The following THRB variants were observed in gnomAD, a reference collection of about 807,000 sequenced individuals.
THRB encodes the protein nuclear receptor subfamily 1 group A member 2.
THRB carries 12 observed loss-of-function variants against 47.8 expected under a neutral mutation model. That is an observed-to-expected ratio of 0.25 (90% CI 0.16 to 0.41). The LOEUF (loss-of-function observed/expected upper bound fraction) is 0.41. THRB is among the 10% of genes least tolerant of loss of function. The probability of loss-of-function intolerance (pLI) is 1.00; values close to 1 mark genes in which losing one functional copy is unlikely to be tolerated. For missense variants in THRB, 348 were observed against 589.2 expected (o/e 0.59, Z 4.24); for synonymous variants, 218 against 212.2 (o/e 1.03, Z -0.24).
At chr3:24,310,307 C>T (rs1462150493) in intron 2 of THRB, among the ~76,000 whole-genome samples, 1 of 152,132 alleles carries the variant, frequency 6.6e-6, no homozygotes, top group Non-Finnish European at 1.5e-5. Flanking sequence ...ATAACCTTTG[C>T]TTTTTAAAAA....
intron 2 of THRB, among the ~76,000 whole-genome samples, chr3:24,321,145 C>G (rs928418372): frequency 6.6e-6 from 1 of 152,246 alleles, no homozygotes; most frequent in Middle Eastern, 3.4e-3. Context: ...AAGTGAGTGA[C>G]TTTGCCCAGT....
At chr3:24,255,149 C>T (rs941842180) in intron 3 of THRB, among the ~76,000 whole-genome samples, 1 of 152,114 alleles carries the variant, frequency 6.6e-6, no homozygotes. Context: ...AGTCTGTAAA[C>T]ATTCATCCCA....
At chr3:24,247,731 C>G (rs147619729) in intron 3 of THRB, among the ~76,000 whole-genome samples, 1 of 151,982 alleles carries the variant, frequency 6.6e-6, no homozygotes, top group Non-Finnish European at 1.5e-5. Flanking sequence ...GAAGTCAGGA[C>G]CCAAAAATAT....
intron 1 of THRB, among the ~76,000 whole-genome samples, chr3:24,382,818 T>G (rs2065813724): frequency 6.6e-6 from 1 of 152,114 alleles, no homozygotes; most frequent in South Asian, 2.1e-4. Context: ...ACTGCCTTCA[T>G]TTTTCCCCTT....
At chr3:24,407,346 AT>A (rs5847292) in intron 1 of THRB, among the ~76,000 whole-genome samples, 3 of 150,506 alleles carry the variant, frequency 2.0e-5, no homozygotes, top group Admixed American at 6.6e-5. Context: ...GATTGCAAAC[AT>A]TTTTTTTTCC....
At chr3:24,174,935 G>T (rs2040944060) in intron 5 of THRB, among the ~76,000 whole-genome samples, 1 of 152,188 alleles carries the variant, frequency 6.6e-6, no homozygotes, top group Non-Finnish European at 1.5e-5. Flanking sequence ...GTCCAAAATG[G>T]TATGTCTCTG....
At chr3:24,230,994 A>T (rs144160034) in intron 3 of THRB, among the ~76,000 whole-genome samples, 8 of 152,348 alleles carry the variant, frequency 5.3e-5, no homozygotes, top group African/African-American at 1.9e-4. Context: ...ATTCACAGAC[A>T]GCCTGAAGTG....
chr3:24,394,489 C>T (rs2066805286), intron 1 of THRB, among the ~76,000 whole-genome samples: 1 of 152,084 alleles, frequency 6.6e-6, no homozygotes, highest in South Asian at 2.1e-4. Flanking sequence ...TACAGCAGCA[C>T]AGAACATTGG....
chr3:24,371,804 C>T (rs1000281386), intron 1 of THRB, among the ~76,000 whole-genome samples: 3 of 152,072 alleles, frequency 2.0e-5, no homozygotes, highest in African/African-American at 7.2e-5. Context: ...TTATATTAGT[C>T]TATAGTTCCA....
At chr3:24,327,601 G>A (rs116579301) in intron 2 of THRB, among the ~76,000 whole-genome samples, 4 of 152,166 alleles carry the variant, frequency 2.6e-5, no homozygotes, top group East Asian at 3.8e-4. Flanking sequence ...ACAGACAAAG[G>A]TTCCTGTGTC....
At chr3:24,217,223 C>T (rs1213423352) in intron 4 of THRB, among the ~76,000 whole-genome samples, 3 of 151,938 alleles carry the variant, frequency 2.0e-5, no homozygotes, top group South Asian at 2.1e-4. Flanking sequence ...ATAAAAGCAG[C>T]GTCAGAGGAA....
chr3:24,432,701 C>T (rs1392983845), intron 1 of THRB, among the ~76,000 whole-genome samples: 1 of 152,042 alleles, frequency 6.6e-6, no homozygotes, highest in Non-Finnish European at 1.5e-5. Flanking sequence ...AAAAGAAATG[C>T]TGTGAAATTT....
chr3:24,232,072 A>C (rs1331243302), intron 3 of THRB, among the ~76,000 whole-genome samples: 1 of 152,170 alleles, frequency 6.6e-6, no homozygotes, highest in Non-Finnish European at 1.5e-5. Flanking sequence ...AAGGGTTTTC[A>C]GTTAGATCCA....
chr3:24,414,758 A>G (rs924834323), intron 1 of THRB, among the ~76,000 whole-genome samples: 4 of 151,878 alleles, frequency 2.6e-5, no homozygotes, highest in Non-Finnish European at 5.9e-5. Context: ...ATTAGGAGGA[A>G]AATAAAGAAA....
chr3:24,131,029 C>T (rs184974261), intron 9 of THRB, among the ~76,000 whole-genome samples: 10 of 152,300 alleles, frequency 6.6e-5, no homozygotes, highest in Admixed American at 6.5e-4. Context: ...TAACGATCTG[C>T]TTCTTTTGGT....
At chr3:24,297,964 T>G (rs1475370041) in intron 2 of THRB, among the ~76,000 whole-genome samples, 1 of 152,180 alleles carries the variant, frequency 6.6e-6, no homozygotes, top group African/African-American at 2.4e-5. Flanking sequence ...CCACCCCAGA[T>G]CTACTCAATC....
chr3:24,419,593 A>C (rs1217975173), intron 1 of THRB, among the ~76,000 whole-genome samples: 1 of 151,952 alleles, frequency 6.6e-6, no homozygotes, highest in Non-Finnish European at 1.5e-5. Flanking sequence ...AATAGAATTC[A>C]GTTCTCTGGA....
intron 5 of THRB, among the ~76,000 whole-genome samples, chr3:24,182,917 T>C (rs2042089066): frequency 6.6e-6 from 1 of 152,246 alleles, no homozygotes; most frequent in Admixed American, 6.5e-5. Flanking sequence ...CCTTTGGGTC[T>C]GGAATGTTCT....
At chr3:24,303,089 T>C (rs1276219199) in intron 2 of THRB, among the ~76,000 whole-genome samples, 1 of 152,198 alleles carries the variant, frequency 6.6e-6, no homozygotes, top group African/African-American at 2.4e-5. Flanking sequence ...GCCAGTTACA[T>C]CTTGGCCAAC....
Sources: gnomAD v4.1 joint callset for allele counts (sites outside exome capture counted in the v4.1 genomes callset) on GRCh38, gnomAD v4.1.1 for gene constraint, MANE v1.5 for transcripts, NCBI Gene and HGNC (gene_info 2026-07-23, HGNC 2026-07-21) for gene names.